RMND5A: variants seen among roughly 807,000 people sequenced by gnomAD.
RMND5A encodes the protein required for meiotic nuclear division 5 homolog A, also known as E3 ubiquitin-protein transferase RMND5A.
In RMND5A, 17 loss-of-function variants were observed where a neutral mutation model predicts 49.7. The ratio of observed to expected loss-of-function variants is 0.34; its 90% CI spans 0.23 to 0.51. The LOEUF is 0.51. Ranked by LOEUF, RMND5A falls within the 20% of genes least tolerant of loss-of-function variation. RMND5A has a pLI of 0.96. For missense variants in RMND5A, 255 were observed against 471.3 expected (o/e 0.54, Z 4.25); for synonymous variants, 156 against 167.7 (o/e 0.93, Z 0.54).
intron 2 of RMND5A, among the ~76,000 whole-genome samples, chr2:86,751,103 A>G (rs1460552586): frequency 1.3e-5 from 2 of 152,058 alleles, no homozygotes; most frequent in Admixed American, 1.3e-4. Context: ...CATTTTGAAT[A>G]TGTATTATAG....
At chr2:86,769,678 GT>G (rs540877612) in intron 6 of RMND5A, among the ~76,000 whole-genome samples, 2,970 of 145,790 alleles carry the variant, frequency 0.02, 103 homozygotes, top group African/African-American at 0.066. Context: ...TAGCAGATGA[GT>G]TTTTTTTTTT....
chr2:86,758,129 T>A (rs1285665025), intron 4 of RMND5A, among the ~76,000 whole-genome samples: 1 of 149,044 alleles, frequency 6.7e-6, no homozygotes, highest in Non-Finnish European at 1.5e-5. Flanking sequence ...AGTATCCCAA[T>A]AGGTAATAAA....
At chr2:86,752,350 G>A (rs1681651146) in intron 3 of RMND5A, among the ~76,000 whole-genome samples, 1 of 152,196 alleles carries the variant, frequency 6.6e-6, no homozygotes, top group South Asian at 2.1e-4. Context: ...GGTTAGTATA[G>A]CAGACAAGAG....
intron 2 of RMND5A, among the ~76,000 whole-genome samples, chr2:86,750,404 T>C (rs1452942979): frequency 1.3e-5 from 2 of 152,246 alleles, no homozygotes; most frequent in African/African-American, 4.8e-5. Context: ...AGTTATTTTC[T>C]TTCAGTACTT....
chr2:86,753,027 C>T (rs1014559000), intron 3 of RMND5A, among the ~76,000 whole-genome samples: 2 of 152,092 alleles, frequency 1.3e-5, no homozygotes, highest in African/African-American at 4.8e-5. Context: ...GCACAGAAAT[C>T]GGTAGTAAGA....
intron 2 of RMND5A, among the ~76,000 whole-genome samples, chr2:86,751,384 G>A (rs1274097225): frequency 6.6e-6 from 1 of 152,176 alleles, no homozygotes; most frequent in Non-Finnish European, 1.5e-5. Flanking sequence ...GACCATGCAT[G>A]TATAGCTCAA....
chr2:86,774,819 G>A lies in RMND5A; in HGVS notation c.*1408G>A, dbSNP rs1442224120. 1 of 152,654 alleles carries A rather than the reference G, an allele frequency of 6.6e-6. No individual in the cohort carries two copies. Among genetic ancestry groups the A allele is most frequent in the East Asian group, 1.9e-4 (1 of 5,206 alleles). The allele number at this position is 152,654 out of a possible 1,614,324, so 9.5% of individuals were successfully genotyped here. On this transcript the variant is annotated 3_prime_UTR_variant, in exon 9 of 9. Transcript: ENST00000283632. ...GTGGCACTTCACATTTTAAACTACA[G>A]ATGGACTTGGTTTGAGGGAGGGGGA...
intron 7 of RMND5A, among the ~76,000 whole-genome samples, chr2:86,770,997 T>C (rs559401747): frequency 6.6e-6 from 1 of 152,320 alleles, no homozygotes; most frequent in Admixed American, 6.5e-5. Context: ...TTATTTGCAG[T>C]TACCTTGTTC....
chr2:86,760,962 AG>A (rs1672472625), intron 4 of RMND5A, among the ~76,000 whole-genome samples: 1 of 126,490 alleles, frequency 7.9e-6, no homozygotes, highest in Non-Finnish European at 1.6e-5. Flanking sequence ...ATTGAGAGAG[AG>A]AAGTGTGTGT....
At chr2:86,763,025 G>A (rs1672529583) in intron 4 of RMND5A, among the ~76,000 whole-genome samples, 3 of 152,108 alleles carry the variant, frequency 2.0e-5, no homozygotes, top group African/African-American at 7.2e-5. Context: ...CCTGGGCAAC[G>A]AAAGTGAAAC....
chr2:86,773,544 A>T lies in RMND5A; in HGVS notation c.*133A>T. On this transcript the variant is annotated 3_prime_UTR_variant, in exon 9 of 9. Transcript: ENST00000283632. ...AGCTAATGCTCCAGAAACTTTGCCA[A>T]CCTGTTAGTGTACACACACTGAGGG... The T allele has an allele frequency of 1.6e-6, 1 of 612,574 alleles. No individual in the cohort carries two copies. Among genetic ancestry groups the T allele is most frequent in the Non-Finnish European group, 3.0e-6 (1 of 330,742 alleles). 37.9% of individuals were successfully genotyped at this position (612,574 alleles called of 1,614,324 possible).
At chr2:86,742,975 T>G (rs1681475069) in intron 2 of RMND5A, among the ~76,000 whole-genome samples, 1 of 152,156 alleles carries the variant, frequency 6.6e-6, no homozygotes, top group African/African-American at 2.4e-5. Context: ...AATTCACCAA[T>G]TATGCTTTCT....
chr2:86,721,327 C>T (rs1164622073), intron 1 of RMND5A, among the ~76,000 whole-genome samples: 1 of 151,872 alleles, frequency 6.6e-6, no homozygotes, highest in Admixed American at 6.6e-5. Context: ...GAAAGTCGAG[C>T]GTTATTCTTA....
chr2:86,746,669 A>T (rs533270405), intron 2 of RMND5A, among the ~76,000 whole-genome samples: 43 of 152,362 alleles, frequency 2.8e-4, no homozygotes, highest in African/African-American at 9.9e-4. Flanking sequence ...CCCACTCTAC[A>T]TATGAATTTC....
At chr2:86,754,658 C>A (rs1023854217) in intron 4 of RMND5A, among the ~76,000 whole-genome samples, 1 of 151,850 alleles carries the variant, frequency 6.6e-6, no homozygotes, top group Non-Finnish European at 1.5e-5. Flanking sequence ...CCCCAACCCC[C>A]CAACCTCCCG....
At position 86,725,473 on chromosome 2, in the gene RMND5A, C is replaced by T. The variant is rs1322970826; in HGVS notation, c.142+4664C>T. ...TGCGATCTTAGCTCACTGCAACCTCCGCCTCCTGGCTTCAGGCAATTCTCC... is the reference window on the plus strand; with the variant it reads ...TGCGATCTTAGCTCACTGCAACCTCTGCCTCCTGGCTTCAGGCAATTCTCC... On this transcript the variant is annotated intron_variant, in intron 1 of 8. Transcript: ENST00000283632. Among the ~76,000 whole-genome samples the T allele has an allele frequency of 1.1e-4, 9 of 81,390 alleles. 2 individuals carry two copies. The highest frequency in any genetic ancestry group is 4.0e-4 in the Admixed American group (3 of 7,556). The allele number at this position is 81,390 out of a possible 152,430, so 53.4% of individuals were successfully genotyped here.
chr2:86,745,915 A>G (rs1681531270), intron 2 of RMND5A, among the ~76,000 whole-genome samples: 1 of 152,218 alleles, frequency 6.6e-6, no homozygotes. Flanking sequence ...CTAGGAAATC[A>G]CTGAGGCCAT....
chr2:86,770,473 T>A (rs1182730680), intron 7 of RMND5A, among the ~76,000 whole-genome samples: 1 of 152,210 alleles, frequency 6.6e-6, no homozygotes, highest in Non-Finnish European at 1.5e-5. Flanking sequence ...TTTAATTGGT[T>A]TTACTTTTGT....
intron 7 of RMND5A, among the ~76,000 whole-genome samples, chr2:86,770,649 G>A (rs894417875): frequency 4.6e-5 from 7 of 152,104 alleles, no homozygotes; most frequent in Non-Finnish European, 1.0e-4. Flanking sequence ...ACATCAGCAC[G>A]ATCACTTGCC....
Sources: gnomAD v4.1 joint callset for allele counts (sites outside exome capture counted in the v4.1 genomes callset) on GRCh38, gnomAD v4.1.1 for gene constraint, MANE v1.5 for transcripts, NCBI Gene and HGNC (gene_info 2026-07-23, HGNC 2026-07-21) for gene names.